EIF2AK4: variants seen among roughly 807,000 people sequenced by gnomAD.
EIF2AK4 encodes the protein eukaryotic translation initiation factor 2 alpha kinase 4, also known as eIF-2-alpha kinase GCN2.
Under a neutral mutation model 211.1 loss-of-function variants are expected in EIF2AK4, and 139 were observed. The ratio of observed to expected loss-of-function variants is 0.66; its 90% confidence interval spans 0.57 to 0.76. The LOEUF (loss-of-function observed/expected upper bound fraction) is 0.76, where lower values mean the gene tolerates loss of function less well. EIF2AK4 is among the 30% of genes least tolerant of loss of function. The probability of loss-of-function intolerance (pLI) is 0.00; values close to 1 mark genes in which losing one functional copy is unlikely to be tolerated. For synonymous variants in EIF2AK4, 710 were observed against 751.3 expected (o/e 0.94, Z 0.90); for missense variants, 1,664 against 2,043.8 (o/e 0.81, Z 3.58).
chr15:40,035,084 A>G lies in EIF2AK4; in HGVS notation c.4950A>G (p.Ter1650=). ...YRDDYYRILF[*] Reference sequence around the variant, plus strand: ...ATGACTACTACAGAATCTTATTTTAACCCTAAAGAACTGTCGTTAACCTCA... The same window carrying G: ...ATGACTACTACAGAATCTTATTTTAGCCCTAAAGAACTGTCGTTAACCTCA... The change falls in exon 39 of 39, where the codon TAA becomes TAG. Residue 1650 remains the stop codon, a stop_retained_variant. Coordinates refer to ENST00000263791, the MANE Select transcript of EIF2AK4 (RefSeq NM_001013703.4). The G allele has an allele frequency of 6.4e-7, 1 of 1,572,872 alleles. No individual in the cohort carries two copies. Among genetic ancestry groups the G allele is most frequent in the East Asian group, 2.3e-5 (1 of 44,342 alleles).
chr15:40,030,329 C>T (rs2035523539), intron 34 of EIF2AK4, 30 bp from the exon 35 acceptor site: 1 of 1,604,750 alleles, frequency 6.2e-7, no homozygotes, highest in Non-Finnish European at 8.5e-7. Context: ...CCAGATAAGG[C>T]CATAAATTCT....
Position 39,988,142 on chromosome 15 carries a change from T to C in EIF2AK4, c.2526+37T>C, listed in dbSNP as rs748726559. The stretch of plus-strand genomic sequence containing the variant: ...AACATTTCATATCTGAAGACTTATG[T>C]TTACATAAATTTATGACTGCATAAA... On this transcript the variant is annotated intron_variant, in intron 15 of 38. Coordinates refer to ENST00000263791, the MANE Select transcript of EIF2AK4 (RefSeq NM_001013703.4). 1.3e-5 allele frequency: 21 copies of C among 1,604,280 alleles called. No homozygotes were observed. In the Middle Eastern group the frequency reaches 9.9e-4, roughly 76 times the overall value.
chr15:40,023,831 T>A (rs1459767511), intron 32 of EIF2AK4, among the ~76,000 whole-genome samples: 2 of 152,208 alleles, frequency 1.3e-5, no homozygotes, highest in Non-Finnish European at 2.9e-5. Flanking sequence ...TTGGATTTAG[T>A]TTATTCTTTT....
At chr15:40,032,714 A>G (rs900862981) in intron 36 of EIF2AK4, 43 bp from the exon 37 acceptor site, 28 of 1,584,142 alleles carry the variant, frequency 1.8e-5, no homozygotes, top group Non-Finnish European at 2.0e-5. Context: ...ACAAGGCAGT[A>G]TTGTGCTGCT....
chr15:39,953,879 T>G (rs777696220), intron 4 of EIF2AK4, 25 bp from the exon 5 acceptor site: 1 of 1,607,164 alleles, frequency 6.2e-7, no homozygotes, highest in Non-Finnish European at 8.5e-7. Flanking sequence ...AGATTGGCAT[T>G]TGATGATGGT....
chr15:39,939,531 A>G lies in EIF2AK4; in HGVS notation c.171A>G (p.Leu57=). The G allele has an allele frequency of 6.2e-7, 1 of 1,608,306 alleles. No individual in the cohort carries two copies. ...TCAAAGAGCCCCCTGAAATCAATTT[A>G]GTTTTGTACCCTCAAGGCCTAACTG... ...GPVKEPPEIN[L]VLYPQGLTGE... Residue 57 remains leucine, a synonymous_variant, in exon 2 of 39, where the codon TTA becomes TTG. Coordinates refer to ENST00000263791, the MANE Select transcript of EIF2AK4 (RefSeq NM_001013703.4).
At chr15:39,943,123 A>G (rs1403677289) in intron 2 of EIF2AK4, among the ~76,000 whole-genome samples, 1 of 152,132 alleles carries the variant, frequency 6.6e-6, no homozygotes, top group Non-Finnish European at 1.5e-5. Context: ...AATTTTAATC[A>G]GATTGTAAAG....
intron 13 of EIF2AK4, among the ~76,000 whole-genome samples, chr15:39,979,191 GGAAGTA>G (rs1457325368): frequency 6.6e-6 from 1 of 152,138 alleles, no homozygotes; most frequent in Admixed American, 6.5e-5. Context: ...CAAAGATGTG[GGAAGTA>G]GAAATATTAT....
At chr15:40,024,449 C>T (rs1054649475) in intron 32 of EIF2AK4, among the ~76,000 whole-genome samples, 2 of 138,978 alleles carry the variant, frequency 1.4e-5, no homozygotes, top group African/African-American at 5.4e-5. Flanking sequence ...TGCTCTGTCA[C>T]GCAGGCTGGA....
intron 32 of EIF2AK4, among the ~76,000 whole-genome samples, chr15:40,023,984 G>T (rs944879033): frequency 5.9e-5 from 9 of 152,182 alleles, no homozygotes; most frequent in African/African-American, 2.2e-4. Flanking sequence ...ACAAAGGAGA[G>T]TGTGTGACTC....
chr15:39,983,014 A>T (rs767713512), intron 13 of EIF2AK4, among the ~76,000 whole-genome samples: 1 of 152,184 alleles, frequency 6.6e-6, no homozygotes, highest in Non-Finnish European at 1.5e-5. Flanking sequence ...ATACGTGTGC[A>T]TGTGTCTTTA....
rs1376222537 is a variant in EIF2AK4 at position 39,985,849 on chromosome 15, A to T, written c.2364A>T (p.Pro788=). Residue 788 remains proline, a synonymous_variant, in exon 14 of 39, where the codon CCA becomes CCT. Transcript: ENST00000263791. ...NEKNGCHESE[P]SVTTEAVHYL... is the part of the protein sequence containing the mutation. ...AGAATGGCTGCCATGAAAGTGAGCC[A>T]TCAGTGACGACTGAGGCTGTGCACT... The T allele has an allele frequency of 6.2e-7, 1 of 1,614,072 alleles. No homozygotes were observed. Among genetic ancestry groups the T allele is most frequent in the Non-Finnish European group, 8.5e-7 (1 of 1,180,020 alleles).
At chr15:39,939,170 G>T (rs921082076) in intron 1 of EIF2AK4, among the ~76,000 whole-genome samples, 5 of 152,140 alleles carry the variant, frequency 3.3e-5, no homozygotes, top group African/African-American at 1.2e-4. Flanking sequence ...GTTTGTATCA[G>T]CTGGTTGGGA....
Position 40,003,101 on chromosome 15 carries a change from A to T in EIF2AK4, c.3236-92A>T, listed in dbSNP as rs368381776. Reference sequence around the variant, plus strand: ...TATGACTTCAATGGTCCCAGTAGCAATTACTTAACTGTCAGGTTTGTGTTA... The same window carrying T: ...TATGACTTCAATGGTCCCAGTAGCATTTACTTAACTGTCAGGTTTGTGTTA... On this transcript the variant is annotated intron_variant, in intron 22 of 38. Transcript: ENST00000263791. The T allele has an allele frequency of 6.7e-4, 1,023 of 1,538,034 alleles. 15 individuals are homozygous for T. In the South Asian group the frequency reaches 0.012, roughly 18 times the overall value.
At position 39,972,998 on chromosome 15, in the gene EIF2AK4, G is replaced by A. The variant is rs376514187; in HGVS notation, c.1644G>A (p.Val548=). The part of the protein sequence containing the change: ...FINPQPKMPL[V]EQSPEDSEGQ... ...ATCCCCAGCCAAAAATGCCTCTAGTGGAACAAAGTCCTGAAGGTGAGTCTG... is the reference window on the plus strand; with the variant it reads ...ATCCCCAGCCAAAAATGCCTCTAGTAGAACAAAGTCCTGAAGGTGAGTCTG... The change falls in exon 10 of 39, where the codon GTG becomes GTA. Residue 548 remains valine, a synonymous_variant. Coordinates refer to ENST00000263791, the MANE Select transcript of EIF2AK4 (RefSeq NM_001013703.4). 1 of 1,613,984 alleles carries A rather than the reference G, an allele frequency of 6.2e-7. No homozygotes were observed.
At chr15:39,961,643 G>A (rs770757244) in intron 6 of EIF2AK4, 141 bp from the exon 7 acceptor site, 12 of 620,410 alleles carry the variant, frequency 1.9e-5, no homozygotes, top group South Asian at 1.4e-4. Context: ...GTTAGACTGC[G>A]AGTGGGCTAA....
At chr15:40,022,216 A>C in intron 31 of EIF2AK4, 4 of 146,216 alleles carry the variant, frequency 2.7e-5, no homozygotes, top group South Asian at 1.1e-4. Flanking sequence ...GTGTGTGTGT[A>C]TGTTGTGTTG....
intron 4 of EIF2AK4, among the ~76,000 whole-genome samples, chr15:39,949,537 G>A (rs1370211519): frequency 6.6e-6 from 1 of 152,158 alleles, no homozygotes; most frequent in Non-Finnish European, 1.5e-5. Context: ...GTCTTTTGGA[G>A]CTTGTTAGGG....
intron 9 of EIF2AK4, among the ~76,000 whole-genome samples, chr15:39,971,075 G>T (rs72729489): frequency 4.6e-5 from 7 of 152,260 alleles, no homozygotes; most frequent in African/African-American, 1.7e-4. Context: ...CTACCAAGTC[G>T]TACTACTTGG....
Sources: allele counts gnomAD v4.1 joint callset (sites outside exome capture counted in the v4.1 genomes callset), GRCh38; gene constraint gnomAD v4.1.1; transcripts MANE v1.5; gene names NCBI Gene and HGNC (gene_info 2026-07-23, HGNC 2026-07-21).